Variants in MMP16 observed in about 807,000 individuals in gnomAD.
MMP16 encodes the protein matrix metallopeptidase 16, also known as matrix metalloproteinase-16.
MMP16 carries 12 observed loss-of-function variants against 67.8 expected under a neutral mutation model. That is an observed-to-expected ratio of 0.18 (90% confidence interval 0.11 to 0.29). The LOEUF is 0.29. MMP16 is among the 10% of genes least tolerant of loss of function. The probability of loss-of-function intolerance (pLI) is 1.00; values close to 1 mark genes in which losing one functional copy is unlikely to be tolerated. For synonymous variants in MMP16, 249 were observed against 255.9 expected, an observed-to-expected ratio of 0.97 and a Z score of 0.26; for missense variants, 475 against 765.7, an observed-to-expected ratio of 0.62 and a Z score of 4.48.
intron 1 of MMP16, among the ~76,000 whole-genome samples, chr8:88,324,558 G>GA (rs1290476462): frequency 6.6e-6 from 1 of 151,958 alleles, no homozygotes; most frequent in Non-Finnish European, 1.5e-5. Flanking sequence ...TGTGCTTACT[G>GA]AAAAAAAATT....
chr8:88,044,667 T>A (rs1304608215), intron 9 of MMP16, among the ~76,000 whole-genome samples: 2 of 152,192 alleles, frequency 1.3e-5, no homozygotes, highest in Non-Finnish European at 2.9e-5. Flanking sequence ...TGACTGAACA[T>A]CATTGGACTT....
intron 4 of MMP16, among the ~76,000 whole-genome samples, chr8:88,162,404 G>A (rs1482133469): frequency 6.6e-6 from 1 of 152,004 alleles, no homozygotes; most frequent in Non-Finnish European, 1.5e-5. Flanking sequence ...ATTATTGAGA[G>A]AGTTCGTTCT....
intron 1 of MMP16, among the ~76,000 whole-genome samples, chr8:88,238,279 G>A (rs1382463065): frequency 6.6e-6 from 1 of 152,180 alleles, no homozygotes; most frequent in Non-Finnish European, 1.5e-5. Context: ...TTGGGAAGCC[G>A]AGGCAGATGG....
At chr8:88,232,783 C>A (rs1261111660) in intron 1 of MMP16, among the ~76,000 whole-genome samples, 2 of 152,116 alleles carry the variant, frequency 1.3e-5, no homozygotes, top group African/African-American at 2.4e-5. Flanking sequence ...TGTAAGGTGA[C>A]AATTTTTTTG....
intron 1 of MMP16, among the ~76,000 whole-genome samples, chr8:88,235,765 G>C (rs1047573683): frequency 1.3e-5 from 2 of 152,092 alleles, no homozygotes; most frequent in Non-Finnish European, 2.9e-5. Flanking sequence ...CCTGTCAACA[G>C]GCCATGCTCC....
intron 7 of MMP16, among the ~76,000 whole-genome samples, chr8:88,059,440 A>T (rs912956419): frequency 1.3e-5 from 2 of 152,152 alleles, no homozygotes; most frequent in African/African-American, 4.8e-5. Flanking sequence ...ATCTATAGTT[A>T]TCTGATGGGA....
At chr8:88,211,059 A>G (rs1809504746) in intron 1 of MMP16, among the ~76,000 whole-genome samples, 1 of 152,140 alleles carries the variant, frequency 6.6e-6, no homozygotes, top group Admixed American at 6.6e-5. Context: ...TACAAGTGTC[A>G]TTGTAACTTT....
intron 6 of MMP16, among the ~76,000 whole-genome samples, chr8:88,091,876 G>A (rs771604922): frequency 3.3e-5 from 5 of 151,712 alleles, no homozygotes; most frequent in Non-Finnish European, 7.4e-5. Context: ...TTTGACTTGT[G>A]GCTATCATAC....
intron 4 of MMP16, among the ~76,000 whole-genome samples, chr8:88,154,571 CAT>C (rs1808473529): frequency 6.6e-6 from 1 of 151,552 alleles, no homozygotes; most frequent in African/African-American, 2.4e-5. Flanking sequence ...TTTGTAGGGA[CAT>C]GGATGAAATT....
At chr8:88,175,289 C>T (rs1051831661) in intron 3 of MMP16, among the ~76,000 whole-genome samples, 11 of 152,142 alleles carry the variant, frequency 7.2e-5, no homozygotes, top group African/African-American at 2.4e-4. Flanking sequence ...TTCCACCACT[C>T]TCACCCCAAT....
At chr8:88,281,414 G>C (rs1193178364) in intron 1 of MMP16, among the ~76,000 whole-genome samples, 7 of 152,210 alleles carry the variant, frequency 4.6e-5, no homozygotes, top group Non-Finnish European at 1.0e-4. Context: ...GGAAGGGTCA[G>C]AGGAAGGTGA....
At chr8:88,186,731 A>G (rs1299159084) in intron 2 of MMP16, 133 bp from the exon 3 acceptor site, 1 of 1,202,002 alleles carries the variant, frequency 8.3e-7, no homozygotes, top group East Asian at 2.5e-5. Context: ...GCAAAATATA[A>G]AGTAAAGGGA....
At chr8:88,167,513 C>T (rs779915271) in intron 4 of MMP16, among the ~76,000 whole-genome samples, 156 bp downstream of exon 4, 38 of 152,186 alleles carry the variant, frequency 2.5e-4, no homozygotes, top group African/African-American at 8.4e-4. Context: ...CACACAAATT[C>T]TTATCCTAAA....
intron 1 of MMP16, among the ~76,000 whole-genome samples, chr8:88,272,953 T>C (rs1360266772): frequency 2.0e-5 from 3 of 150,782 alleles, no homozygotes; most frequent in Non-Finnish European, 4.4e-5. Flanking sequence ...GAAAGAGAAC[T>C]GGAATAGAAC....
At chr8:88,079,981 T>C (rs935419673) in intron 6 of MMP16, among the ~76,000 whole-genome samples, 4 of 152,188 alleles carry the variant, frequency 2.6e-5, no homozygotes, top group Non-Finnish European at 5.9e-5. Flanking sequence ...GTATAGCACA[T>C]CCTGATGAAC....
At chr8:88,319,965 A>G (rs1021921675) in intron 1 of MMP16, among the ~76,000 whole-genome samples, 4 of 152,166 alleles carry the variant, frequency 2.6e-5, no homozygotes, top group South Asian at 2.1e-4. Flanking sequence ...TAAAAAACTT[A>G]CAAAAAACTT....
At chr8:88,244,474 A>C (rs928300567) in intron 1 of MMP16, among the ~76,000 whole-genome samples, 1 of 152,222 alleles carries the variant, frequency 6.6e-6, no homozygotes, top group African/African-American at 2.4e-5. Flanking sequence ...ACTTTGTGGT[A>C]CATCATTCCT....
chr8:88,259,400 C>T (rs1329806546), intron 1 of MMP16, among the ~76,000 whole-genome samples: 2 of 152,094 alleles, frequency 1.3e-5, no homozygotes, highest in Admixed American at 1.3e-4. Flanking sequence ...TGAGGGTGCA[C>T]TGTGTGTGTT....
intron 6 of MMP16, among the ~76,000 whole-genome samples, chr8:88,088,582 G>C (rs1808882530): frequency 6.6e-6 from 1 of 152,022 alleles, no homozygotes; most frequent in Admixed American, 6.6e-5. Context: ...TGGAGTTCAG[G>C]AACAGCTGTT....
Sources: allele counts gnomAD v4.1 joint callset (sites outside exome capture counted in the v4.1 genomes callset), GRCh38; gene constraint gnomAD v4.1.1; transcripts MANE v1.5; gene names NCBI Gene and HGNC (gene_info 2026-07-23, HGNC 2026-07-21).